The following BRWD1 variants were observed in gnomAD, a reference collection of about 807,000 sequenced individuals.
BRWD1 encodes the protein bromodomain and WD repeat domain containing 1.
BRWD1 carries 82 observed loss-of-function variants against 251.2 expected under a neutral mutation model. That is an observed-to-expected ratio of 0.33 (90% CI 0.27 to 0.39). The LOEUF (loss-of-function observed/expected upper bound fraction) is 0.39. Among genes scored for constraint, BRWD1 ranks in the 10% least tolerant of loss-of-function variants. The probability of loss-of-function intolerance (pLI) is 1.00; values close to 1 mark genes in which losing one functional copy is unlikely to be tolerated. For synonymous variants in BRWD1, 918 were observed against 902.8 expected, an observed-to-expected ratio of 1.02 and a Z score of -0.30; for missense variants, 2,233 against 2,711.6, an observed-to-expected ratio of 0.82 and a Z score of 3.92.
chr21:39,209,421 C>T (rs1282117576), intron 36 of BRWD1, among the ~76,000 whole-genome samples: 1 of 151,298 alleles, frequency 6.6e-6, no homozygotes, highest in East Asian at 1.9e-4. Context: ...GTCACCACTT[C>T]ACTTGAGTAG....
At chr21:39,203,713 G>T (rs2032238901) in intron 37 of BRWD1, among the ~76,000 whole-genome samples, 1 of 150,516 alleles carries the variant, frequency 6.6e-6, no homozygotes. Flanking sequence ...AGCCGACCCT[G>T]CTTCTTAAAA....
chr21:39,269,366 C>G (rs1438568852), intron 15 of BRWD1, among the ~76,000 whole-genome samples: 2 of 151,280 alleles, frequency 1.3e-5, no homozygotes, highest in African/African-American at 2.4e-5. Flanking sequence ...GAGTGTCTCA[C>G]TACATTGCCC....
chr21:39,195,782 G>A lies in BRWD1; in HGVS notation c.*477C>T. ...GGTAGGTACCTCGCCTACTAATCAT[G>A]GTTACACCTCCCATGATTATAGTGT... is the stretch of plus-strand genomic sequence containing the variant. On this transcript the variant is annotated 3_prime_UTR_variant, in exon 41 of 41. Coordinates refer to ENST00000342449, the MANE Select transcript of BRWD1 (RefSeq NM_033656.4). The A allele has an allele frequency of 1.0e-6, 1 of 985,558 alleles. No homozygotes were observed. The highest frequency in any genetic ancestry group is 4.7e-5 in the South Asian group (1 of 21,264). 61.1% of individuals were successfully genotyped at this position (985,558 alleles called of 1,614,324 possible). A position where few individuals can be genotyped will look rare whatever the true frequency, so the allele number is the denominator to read the frequency against.
At chr21:39,228,403 G>A in intron 27 of BRWD1, 97 bp downstream of exon 27, 1 of 771,184 alleles carries the variant, frequency 1.3e-6, no homozygotes, top group Non-Finnish European at 2.2e-6. Context: ...TTACATGTTT[G>A]TATATACTAT....
At chr21:39,241,858 GTA>G (rs954694343) in intron 21 of BRWD1, among the ~76,000 whole-genome samples, 1 of 151,922 alleles carries the variant, frequency 6.6e-6, no homozygotes, top group Non-Finnish European at 1.5e-5. Flanking sequence ...CATTTTTATT[GTA>G]TCTGTTACTG....
At chr21:39,289,081 T>C (rs995140142) in intron 8 of BRWD1, among the ~76,000 whole-genome samples, 2 of 152,222 alleles carry the variant, frequency 1.3e-5, no homozygotes, top group African/African-American at 4.8e-5. Flanking sequence ...TTAGACCATT[T>C]AATGTACTTG....
intron 17 of BRWD1, among the ~76,000 whole-genome samples, chr21:39,261,809 A>C (rs1382363728): frequency 6.6e-6 from 1 of 152,198 alleles, no homozygotes; most frequent in Admixed American, 6.5e-5. Flanking sequence ...ACAAAGAATG[A>C]AAAGAATATA....
intron 13 of BRWD1, among the ~76,000 whole-genome samples, chr21:39,271,127 T>C (rs1157603743): frequency 1.3e-5 from 2 of 151,816 alleles, no homozygotes; most frequent in South Asian, 4.2e-4. Flanking sequence ...ACCCCGTCTC[T>C]ACTAAAAATA....
chr21:39,247,844 A>C lies in BRWD1; in HGVS notation c.2350-12T>G. 6.3e-7 allele frequency: 1 copy of C among 1,584,364 alleles called. No homozygotes were observed. Among genetic ancestry groups the C allele is most frequent in the Non-Finnish European group, 8.6e-7 (1 of 1,167,142 alleles). On this transcript the variant is annotated splice_polypyrimidine_tract_variant and intron_variant, in intron 20 of 40. Coordinates refer to ENST00000342449, the MANE Select transcript of BRWD1 (RefSeq NM_033656.4). ...ACCACTGAATCCGACTGAAACACAGAAAAACATGCGAATGAAAATCAACAC... is the reference window on the plus strand; with the variant it reads ...ACCACTGAATCCGACTGAAACACAGCAAAACATGCGAATGAAAATCAACAC...
chr21:39,245,025 G>A lies in BRWD1; in HGVS notation c.2481+2676C>T, dbSNP rs537256216. ...ATAATTATTTCCTATTATATCCTGG[G>A]GGACAGAGCAAGACCCCATCTCAAA... On this transcript the variant is annotated intron_variant, in intron 21 of 40. Coordinates refer to ENST00000342449, the MANE Select transcript of BRWD1 (RefSeq NM_033656.4). Among the ~76,000 whole-genome samples the A allele has an allele frequency of 2.0e-5, 3 of 149,360 alleles. No homozygotes were observed. The South Asian group carries it at 6.3e-4, about 32-fold the overall frequency.
In BRWD1 at chr21:39,189,694, C is replaced by T. The variant is rs1371263276; in HGVS notation, c.*6565G>A. ...AAACTGTGGAGAATTTTTTTAAATA[C>T]ATTCAAGTCAGTGTTAATTTTATTA... is the stretch of plus-strand genomic sequence containing the variant. On this transcript the variant is annotated 3_prime_UTR_variant, in exon 41 of 41. Transcript: ENST00000342449. The T allele has an allele frequency of 2.0e-6, 2 of 982,012 alleles. No homozygotes were observed. The highest frequency in any genetic ancestry group is 2.3e-4 in the East Asian group (2 of 8,808). 60.8% of individuals were successfully genotyped at this position (982,012 alleles called of 1,614,324 possible).
At chr21:39,202,025 T>C (rs1270453656) in intron 38 of BRWD1, among the ~76,000 whole-genome samples, 2 of 152,180 alleles carry the variant, frequency 1.3e-5, no homozygotes, top group African/African-American at 2.4e-5. Flanking sequence ...CATTGATTCT[T>C]AGTACTTCTT....
intron 17 of BRWD1, among the ~76,000 whole-genome samples, chr21:39,262,278 T>A (rs1027224115): frequency 6.6e-6 from 1 of 152,152 alleles, no homozygotes; most frequent in Admixed American, 6.6e-5. Flanking sequence ...CATTAGTGAA[T>A]GCAAAAACAA....
At chr21:39,213,919 T>A (rs2032772636) in intron 32 of BRWD1, among the ~76,000 whole-genome samples, 1 of 149,682 alleles carries the variant, frequency 6.7e-6, no homozygotes, top group African/African-American at 2.4e-5. Flanking sequence ...AAAAAATATA[T>A]ATATATACAT....
chr21:39,280,441 G>A (rs1394284381), intron 8 of BRWD1, among the ~76,000 whole-genome samples, 193 bp from the exon 9 acceptor site: 1 of 151,940 alleles, frequency 6.6e-6, no homozygotes, highest in Non-Finnish European at 1.5e-5. Context: ...ATCTCAATAA[G>A]CCTATTTTCA....
At chr21:39,199,814 A>ACG in intron 39 of BRWD1, 152 bp from the exon 40 acceptor site, 16 of 811,354 alleles carry the variant, frequency 2.0e-5, no homozygotes, top group Non-Finnish European at 2.8e-5. Flanking sequence ...GCAATGGTGC[A>ACG]ATTTTGGCTC....
intron 1 of BRWD1, among the ~76,000 whole-genome samples, chr21:39,320,109 G>C (rs1429513274): frequency 6.6e-6 from 1 of 152,164 alleles, no homozygotes; most frequent in African/African-American, 2.4e-5. Flanking sequence ...TGGCTCGCTT[G>C]CCCTTGAGTT....
In BRWD1 at chr21:39,262,753, C is replaced by T. The variant is rs550873264; in HGVS notation, c.1885+1707G>A. Among the ~76,000 whole-genome samples the T allele has an allele frequency of 1.5e-4, 23 of 152,058 alleles. No homozygotes were observed. In the South Asian group the frequency reaches 4.8e-3, roughly 32 times the overall value. ...TTGTATATAAAACCCTCTTAAAGGACAAAATTAAAGTGACAGAAAATGTAA... is the reference window on the plus strand; with the variant it reads ...TTGTATATAAAACCCTCTTAAAGGATAAAATTAAAGTGACAGAAAATGTAA... On this transcript the variant is annotated intron_variant, in intron 17 of 40. Transcript: ENST00000342449.
rs201665354 is a variant in BRWD1 at position 39,229,397 on chromosome 21, C to A, written c.3040G>T (p.Val1014Phe). Residue 1014 changes from valine to phenylalanine, a missense_variant, in exon 26 of 41, where the codon GTT becomes TTT. Val to Phe is a conservative substitution (Grantham distance 50, BLOSUM62 -1). Coordinates refer to ENST00000342449, the MANE Select transcript of BRWD1 (RefSeq NM_033656.4). Reference protein sequence around the residue: ...LVKIVGIRYEVGPPTLCCLKL... With the variant: ...LVKIVGIRYEFGPPTLCCLKL... ...AGGCAACAGAGTGTAGGGGGCCCAA[C>A]TTCATATCGTATTCCAACTATTTTA... 6.2e-7 allele frequency: 1 copy of A among 1,610,370 alleles called. No homozygotes were observed.
Sources: gnomAD v4.1 joint callset for allele counts (sites outside exome capture counted in the v4.1 genomes callset) on GRCh38, gnomAD v4.1.1 for gene constraint, MANE v1.5 for transcripts, NCBI Gene and HGNC (gene_info 2026-07-23, HGNC 2026-07-21) for gene names.